The following GPHN variants were observed in gnomAD, a reference collection of about 807,000 sequenced individuals.
The protein encoded by GPHN is gephyrin.
A neutral mutation model predicts 95.5 loss-of-function variants in GPHN; 17 were observed. The ratio of observed to expected loss-of-function variants is 0.18; its 90% CI spans 0.12 to 0.27. The LOEUF (loss-of-function observed/expected upper bound fraction) is 0.27. Among genes scored for constraint, GPHN ranks in the 10% least tolerant of loss-of-function variants. The pLI, the probability that GPHN is intolerant of heterozygous loss-of-function variation, is 1.00. For synonymous variants in GPHN, 320 were observed against 322.5 expected, an observed-to-expected ratio of 0.99 and a Z score of 0.08; for missense variants, 660 against 978.1, an observed-to-expected ratio of 0.67 and a Z score of 4.34.
In GPHN at chr14:66,922,476, T is replaced by A. The variant is rs111648177; in HGVS notation, c.457-190T>A. On this transcript the variant is annotated intron_variant, in intron 6 of 22. Transcript: ENST00000478722. ...TGTAGCACTGTAGTTCCTTAGCTTA[T>A]GGAGAATGCTATAACATATTTTATG... 1.5e-3 allele frequency among the ~76,000 whole-genome samples: 231 copies of A among 152,302 alleles called. 1 individual carries two copies. Among genetic ancestry groups the A allele is most frequent in the African/African-American group, 5.5e-3 (229 of 41,570 alleles).
At position 67,036,501 on chromosome 14, in the gene GPHN, GCACACA is replaced by G. The variant is rs762967467; in HGVS notation, c.1006+12861_1006+12866del. Among the ~76,000 whole-genome samples, 239 of 118,172 alleles carry G rather than the reference GCACACA, an allele frequency of 2.0e-3. 2 individuals carry two copies. The highest frequency in any genetic ancestry group is 0.016 in the South Asian group (55 of 3,416). 77.5% of individuals were successfully genotyped at this position (118,172 alleles called of 152,430 possible). The stretch of plus-strand genomic sequence containing the variant: ...GAAAATTCCACTTATATACATACAT[GCACACA>G]CACACACACACACACACACACACAC... On this transcript the variant is annotated intron_variant, in intron 10 of 22. Transcript: ENST00000478722.
intron 9 of GPHN, among the ~76,000 whole-genome samples, chr14:67,006,267 T>A (rs572223873): frequency 2.2e-4 from 33 of 152,216 alleles, no homozygotes; most frequent in Middle Eastern, 3.4e-3. Context: ...TAGTTTTCAA[T>A]TATATTAGCA....
the GPHN span, chr14:67,678,330 TG>T: frequency 1.2e-6 from 2 of 1,610,768 alleles, no homozygotes; most frequent in Non-Finnish European, 1.7e-6. Flanking sequence ...GTTAGTCTAT[TG>T]GGAGGCCCAG....
chr14:66,613,834 T>G (rs2062884341), intron 1 of GPHN, among the ~76,000 whole-genome samples: 1 of 152,186 alleles, frequency 6.6e-6, no homozygotes, highest in African/African-American at 2.4e-5. Flanking sequence ...CAAGCCTTTT[T>G]CTAATTGTAG....
intron 1 of GPHN, among the ~76,000 whole-genome samples, chr14:66,559,619 A>G (rs1304771455): frequency 6.6e-6 from 1 of 151,812 alleles, no homozygotes; most frequent in Non-Finnish European, 1.5e-5. Flanking sequence ...GTTTGAGTTC[A>G]TTGAAGATTC....
intron 4 of GPHN, among the ~76,000 whole-genome samples, chr14:66,879,296 A>G (rs890035173): frequency 6.6e-6 from 1 of 151,620 alleles, no homozygotes; most frequent in Non-Finnish European, 1.5e-5. Context: ...TGCCATGTGT[A>G]CGCCTATGTA....
chr14:67,208,896 CAA>C, the GPHN span, among the ~76,000 whole-genome samples: 3 of 65,660 alleles, frequency 4.6e-5, no homozygotes, highest in Non-Finnish European at 9.2e-5. Flanking sequence ...AACTCTGTCT[CAA>C]AAAAAAAAAA....
At chr14:67,281,504 C>CTAT in the GPHN span, among the ~76,000 whole-genome samples, 2 of 152,088 alleles carry the variant, frequency 1.3e-5, no homozygotes, top group East Asian at 3.9e-4. Flanking sequence ...TCCCACCACT[C>CTAT]TATTATTATT....
the GPHN span, among the ~76,000 whole-genome samples, chr14:67,248,444 A>G: frequency 1.3e-5 from 2 of 152,162 alleles, no homozygotes; most frequent in Non-Finnish European, 2.9e-5. Flanking sequence ...ACAGTTACCT[A>G]CCTACATTTT....
intron 1 of GPHN, among the ~76,000 whole-genome samples, chr14:66,567,987 G>T (rs2060528949): frequency 6.6e-6 from 1 of 152,144 alleles, no homozygotes; most frequent in African/African-American, 2.4e-5. Flanking sequence ...ATGAGTGATA[G>T]TTAAGAAGAA....
At position 67,154,519 on chromosome 14, in the gene GPHN, A is replaced by G. The variant is rs139063449; in HGVS notation, c.1837-4896A>G. Among the ~76,000 whole-genome samples the G allele has an allele frequency of 3.0e-3, 455 of 152,318 alleles. 3 individuals are homozygous for G. The highest frequency in any genetic ancestry group is 0.011 in the African/African-American group (437 of 41,576). On this transcript the variant is annotated intron_variant, in intron 18 of 22. Coordinates refer to ENST00000478722, the MANE Select transcript of GPHN (RefSeq NM_020806.5). ...ATGCGTAGCACATATGGAATTCCTAATACATAATAGGCACTCAGAAATGTT... is the reference window on the plus strand; with the variant it reads ...ATGCGTAGCACATATGGAATTCCTAGTACATAATAGGCACTCAGAAATGTT...
At chr14:66,993,177 T>A (rs1430665264) in intron 9 of GPHN, among the ~76,000 whole-genome samples, 1 of 152,126 alleles carries the variant, frequency 6.6e-6, no homozygotes, top group East Asian at 1.9e-4. Context: ...CTCCTCAAAT[T>A]GTCTACCTTT....
chr14:67,339,054 C>T, the GPHN span, among the ~76,000 whole-genome samples: 159 of 137,196 alleles, frequency 1.2e-3, no homozygotes, highest in Admixed American at 5.6e-3. Context: ...AGTGCAGTGG[C>T]GCACGCAATC....
chr14:66,529,889 A>G (rs181261838), intron 1 of GPHN, among the ~76,000 whole-genome samples: 1 of 152,252 alleles, frequency 6.6e-6, no homozygotes, highest in African/African-American at 2.4e-5. Context: ...GCTCTCCTGT[A>G]TGAGGTGTCT....
chr14:67,159,761 T>C (rs2081853914), intron 19 of GPHN, among the ~76,000 whole-genome samples: 2 of 152,152 alleles, frequency 1.3e-5, no homozygotes, highest in South Asian at 4.1e-4. Context: ...CTTCTTCCTC[T>C]TTTTCTCTTT....
intron 8 of GPHN, among the ~76,000 whole-genome samples, chr14:66,943,289 A>G (rs151276857): frequency 7.9e-5 from 12 of 152,292 alleles, no homozygotes; most frequent in Admixed American, 1.3e-4. Flanking sequence ...ATTTATTTCC[A>G]GTAGTTTGAG....
At chr14:67,661,614 G>A in the GPHN span, among the ~76,000 whole-genome samples, 1 of 142,078 alleles carries the variant, frequency 7.0e-6, no homozygotes, top group Non-Finnish European at 1.5e-5. Context: ...CTAACCACAT[G>A]CTTGACCTCC....
chr14:66,536,241 G>A (rs1344184548), intron 1 of GPHN, among the ~76,000 whole-genome samples: 1 of 152,086 alleles, frequency 6.6e-6, no homozygotes, highest in Non-Finnish European at 1.5e-5. Context: ...GTGAGCCACT[G>A]CGCCCAGTCT....
the GPHN span, among the ~76,000 whole-genome samples, chr14:67,268,535 G>A: frequency 0.012 from 1,847 of 152,240 alleles, 19 homozygotes; most frequent in Non-Finnish European, 0.018. Context: ...TGAATTTTCC[G>A]GGGGAAAGGG....
Sources: gnomAD v4.1 joint callset for allele counts (sites outside exome capture counted in the v4.1 genomes callset) on GRCh38, gnomAD v4.1.1 for gene constraint, MANE v1.5 for transcripts, NCBI Gene and HGNC (gene_info 2026-07-23, HGNC 2026-07-21) for gene names.